TM9SF2: variants seen among roughly 807,000 people sequenced by gnomAD.
TM9SF2 encodes 76 kDa membrane protein.
In TM9SF2, 13 loss-of-function variants were observed where a neutral mutation model predicts 84.9. That is an observed-to-expected ratio of 0.15 (90% CI 0.10 to 0.24). The LOEUF is 0.24. TM9SF2 is among the 10% of genes least tolerant of loss of function. The probability of loss-of-function intolerance (pLI) is 1.00; values close to 1 mark genes in which losing one functional copy is unlikely to be tolerated. For synonymous variants in TM9SF2, 273 were observed against 285.8 expected, an observed-to-expected ratio of 0.96 and a Z score of 0.45; for missense variants, 562 against 818.5, an observed-to-expected ratio of 0.69 and a Z score of 3.82.
In TM9SF2 at chr13:99,529,567, G is replaced by A. The variant is rs200664301; in HGVS notation, c.434G>A (p.Ser145Asn). The A allele has an allele frequency of 2.0e-5, 32 of 1,583,452 alleles. No individual in the cohort carries two copies. In the Admixed American group the frequency reaches 3.0e-4, roughly 15 times the overall value. ...CAAAAGTTAGAATTCTTGAAAAAAA[G>A]CATGTTATTGAATTATCAACATCAC... ...DKQKLEFLKK[S>N]MLLNYQHHWI... The change falls in exon 4 of 17, where the codon AGC (serine) becomes AAC (asparagine). Residue 145 changes from serine (S) to asparagine (N), a missense_variant. Physicochemically the swap from Ser to Asn is conservative, Grantham distance 46. Coordinates refer to ENST00000376387, the MANE Select transcript of TM9SF2 (RefSeq NM_004800.3).
rs1473559777 is a variant in TM9SF2 at position 99,520,143 on chromosome 13, G to A, written c.333+14G>A. 1.3e-6 allele frequency: 2 copies of A among 1,582,616 alleles called. No individual in the cohort carries two copies. The highest frequency in any genetic ancestry group is 2.7e-5 in the African/African-American group (2 of 73,578). On this transcript the variant is annotated intron_variant, in intron 3 of 16. Coordinates refer to ENST00000376387, the MANE Select transcript of TM9SF2 (RefSeq NM_004800.3). ...TCACCATATAAGGTTTGTATTTAGTGTTACATAATAATTATTTACTTACAG... is the reference window on the plus strand; with the variant it reads ...TCACCATATAAGGTTTGTATTTAGTATTACATAATAATTATTTACTTACAG...
At position 99,554,378 on chromosome 13, in the gene TM9SF2, G is replaced by A; in HGVS notation, c.1563G>A (p.Leu521=). The part of the protein sequence containing the change: ...IPEQSFYTKP[L]PGIIMGGILP... ...AACAGTCGTTCTACACGAAGCCCTT[G>A]CCTGGTATTATCATGGGAGGGATTT... Residue 521 remains leucine, a synonymous_variant, in exon 14 of 17, where the codon TTG becomes TTA. Transcript: ENST00000376387. 1.9e-6 allele frequency: 3 copies of A among 1,614,148 alleles called. No individual in the cohort carries two copies. Among genetic ancestry groups the A allele is most frequent in the Non-Finnish European group, 2.5e-6 (3 of 1,180,018 alleles).
chr13:99,509,974 C>A (rs934733108), intron 1 of TM9SF2, among the ~76,000 whole-genome samples: 2 of 152,158 alleles, frequency 1.3e-5, no homozygotes, highest in Non-Finnish European at 2.9e-5. Flanking sequence ...CTAAGATAGG[C>A]TGTTAGAAGC....
intron 3 of TM9SF2, among the ~76,000 whole-genome samples, chr13:99,525,466 TC>T (rs200790518): frequency 0.026 from 3,882 of 151,786 alleles, 166 homozygotes; most frequent in African/African-American, 0.087. Context: ...GGTCTCAAAC[TC>T]CCGACCTTAG....
At chr13:99,558,280 A>G (rs1006128184) in intron 15 of TM9SF2, among the ~76,000 whole-genome samples, 11 of 152,146 alleles carry the variant, frequency 7.2e-5, no homozygotes, top group African/African-American at 2.7e-4. Flanking sequence ...GCTCTTTTTT[A>G]TGATTGTTTT....
At position 99,554,321 on chromosome 13, in the gene TM9SF2, T is replaced by G; in HGVS notation, c.1506T>G (p.Val502=). Residue 502 remains valine, a synonymous_variant, in exon 14 of 17, where the codon GTT becomes GTG. Coordinates refer to ENST00000376387, the MANE Select transcript of TM9SF2 (RefSeq NM_004800.3). The part of the protein sequence containing the change: ...GFKKNAIEHP[V]RTNQIPRQIP... ...TACTGAAGGCCATTGAACACCCAGT[T>G]CGAACCAATCAGATTCCACGTCAGA... 1 of 1,613,808 alleles carries G rather than the reference T, an allele frequency of 6.2e-7. No individual in the cohort carries two copies.
chr13:99,529,446 T>C, intron 3 of TM9SF2, 21 bp from the exon 4 acceptor site: 1 of 1,489,188 alleles, frequency 6.7e-7, no homozygotes, highest in Non-Finnish European at 8.9e-7. Context: ...TGAATTTGCT[T>C]TCCACTTCCT....
At chr13:99,554,280 T>C in intron 13 of TM9SF2, 24 bp from the exon 14 acceptor site, 2 of 1,599,560 alleles carry the variant, frequency 1.3e-6, no homozygotes, top group East Asian at 2.2e-5. Context: ...AATTATGAAT[T>C]CTTCCTTCCT....
At chr13:99,522,203 T>C (rs1447450943) in intron 3 of TM9SF2, among the ~76,000 whole-genome samples, 1 of 152,156 alleles carries the variant, frequency 6.6e-6, no homozygotes, top group African/African-American at 2.4e-5. Flanking sequence ...GTATTTTTCG[T>C]AGAGATGGGG....
chr13:99,551,952 A>G (rs1346146307), intron 12 of TM9SF2, among the ~76,000 whole-genome samples: 1 of 152,260 alleles, frequency 6.6e-6, no homozygotes, highest in Non-Finnish European at 1.5e-5. Context: ...ACTGACTTTC[A>G]TAGGCTGCTG....
chr13:99,526,675 T>A (rs1240488840), intron 3 of TM9SF2, among the ~76,000 whole-genome samples: 1 of 151,838 alleles, frequency 6.6e-6, no homozygotes, highest in East Asian at 1.9e-4. Context: ...TGCTTTGAAA[T>A]TGGATGAAGA....
At chr13:99,534,241 C>G (rs949048171) in intron 4 of TM9SF2, among the ~76,000 whole-genome samples, 1 of 151,892 alleles carries the variant, frequency 6.6e-6, no homozygotes, top group Non-Finnish European at 1.5e-5. Context: ...AACCACTGGA[C>G]TATAGCTTAT....
chr13:99,529,793 G>A (rs2046200372), intron 4 of TM9SF2, among the ~76,000 whole-genome samples, 199 bp downstream of exon 4: 1 of 152,140 alleles, frequency 6.6e-6, no homozygotes, highest in Non-Finnish European at 1.5e-5. Context: ...TCTTTTAACT[G>A]TGTTTAGATT....
At chr13:99,551,703 A>C (rs1340768009) in intron 12 of TM9SF2, among the ~76,000 whole-genome samples, 1 of 152,258 alleles carries the variant, frequency 6.6e-6, no homozygotes, top group Non-Finnish European at 1.5e-5. Context: ...AAAAAGCCAC[A>C]GACTGTGACA....
chr13:99,540,219 C>T (rs928003945), intron 7 of TM9SF2, among the ~76,000 whole-genome samples: 21 of 151,922 alleles, frequency 1.4e-4, no homozygotes, highest in Non-Finnish European at 2.8e-4. Flanking sequence ...TTTTGGCAAT[C>T]CAATATAGTT....
At chr13:99,523,515 C>G (rs2046169366) in intron 3 of TM9SF2, among the ~76,000 whole-genome samples, 1 of 152,194 alleles carries the variant, frequency 6.6e-6, no homozygotes, top group Non-Finnish European at 1.5e-5. Flanking sequence ...AAATCCCAGT[C>G]TGCTTTGTCG....
At chr13:99,531,340 T>C (rs1289685210) in intron 4 of TM9SF2, among the ~76,000 whole-genome samples, 1 of 152,214 alleles carries the variant, frequency 6.6e-6, no homozygotes, top group East Asian at 1.9e-4. Flanking sequence ...ACTGTGTTCA[T>C]GCACTTCCTT....
intron 5 of TM9SF2, 106 bp from the exon 6 acceptor site, chr13:99,537,633 A>T: frequency 1.1e-6 from 1 of 936,372 alleles, no homozygotes; most frequent in South Asian, 2.0e-5. Context: ...TTAAAATTCC[A>T]TTCAAACTTA....
rs886856231 is a variant in TM9SF2 at position 99,563,087 on chromosome 13, A to G, written c.*329A>G. On this transcript the variant is annotated 3_prime_UTR_variant, in exon 17 of 17. Coordinates refer to ENST00000376387, the MANE Select transcript of TM9SF2 (RefSeq NM_004800.3). ...CAGAATAGAGGAGGCCATATTAAAT[A>G]ATACTGATGAAAGGCAGGACACTGC... 5.3e-6 allele frequency: 1 copy of G among 188,854 alleles called. No individual in the cohort carries two copies. The highest frequency in any genetic ancestry group is 1.1e-5 in the Non-Finnish European group (1 of 92,240). The allele number at this position is 188,854 out of a possible 1,614,324, so 11.7% of individuals were successfully genotyped here. A position where few individuals can be genotyped will look rare whatever the true frequency, so the allele number is the denominator to read the frequency against.
Sources: gnomAD v4.1 joint callset for allele counts (sites outside exome capture counted in the v4.1 genomes callset) on GRCh38, gnomAD v4.1.1 for gene constraint, MANE v1.5 for transcripts, NCBI Gene and HGNC (gene_info 2026-07-23, HGNC 2026-07-21) for gene names.